Variants in ADGRL3 observed in about 807,000 individuals in gnomAD.
The protein encoded by ADGRL3 is calcium-independent alpha-latrotoxin receptor 3.
A neutral mutation model predicts 153.5 loss-of-function variants in ADGRL3; 62 were observed. The observed-to-expected ratio is 0.40, with a 90% CI of 0.33 to 0.50. The LOEUF (loss-of-function observed/expected upper bound fraction) is 0.50, where lower values mean the gene tolerates loss of function less well. Ranked by LOEUF, ADGRL3 falls within the 20% of genes least tolerant of loss-of-function variation. The probability of loss-of-function intolerance (pLI) is 0.47; values close to 1 mark genes in which losing one functional copy is unlikely to be tolerated. For synonymous variants in ADGRL3, 710 were observed against 672.5 expected, an observed-to-expected ratio of 1.06 and a Z score of -0.86; for missense variants, 1,641 against 1,859.4, an observed-to-expected ratio of 0.88 and a Z score of 2.16.
At chr4:61,336,284 A>G (rs917750813) in intron 1 of ADGRL3, among the ~76,000 whole-genome samples, 1 of 152,112 alleles carries the variant, frequency 6.6e-6, no homozygotes, top group Non-Finnish European at 1.5e-5. Context: ...CTTTTGTGGG[A>G]AAATGGATTG....
At chr4:61,577,035 G>A (rs1260273642) in intron 4 of ADGRL3, among the ~76,000 whole-genome samples, 7 of 152,008 alleles carry the variant, frequency 4.6e-5, no homozygotes, top group Non-Finnish European at 7.4e-5. Flanking sequence ...TGTTGTGGAA[G>A]ATTTATGCTT....
intron 2 of ADGRL3, among the ~76,000 whole-genome samples, chr4:61,425,788 G>A (rs2097271363): frequency 6.6e-6 from 1 of 152,202 alleles, no homozygotes; most frequent in Non-Finnish European, 1.5e-5. Context: ...AAATACCCAA[G>A]GAGTGACATG....
chr4:61,921,707 G>A (rs2098770213), intron 13 of ADGRL3, among the ~76,000 whole-genome samples: 1 of 152,144 alleles, frequency 6.6e-6, no homozygotes, highest in Admixed American at 6.5e-5. Context: ...TGCCCGGCCT[G>A]TTAGCTTTTT....
chr4:61,937,487 A>G (rs985247395), intron 15 of ADGRL3, among the ~76,000 whole-genome samples: 1 of 150,648 alleles, frequency 6.6e-6, no homozygotes, highest in Non-Finnish European at 1.5e-5. Context: ...TCTATCATTC[A>G]CTTTTTAGAA....
intron 25 of ADGRL3, among the ~76,000 whole-genome samples, chr4:62,057,946 TG>T (rs1308114108): frequency 6.6e-6 from 1 of 152,202 alleles, no homozygotes; most frequent in Non-Finnish European, 1.5e-5. Flanking sequence ...CCCAAAGTGC[TG>T]GGATTACAGG....
At chr4:61,854,521 A>G (rs1234880531) in intron 9 of ADGRL3, among the ~76,000 whole-genome samples, 1 of 152,220 alleles carries the variant, frequency 6.6e-6, no homozygotes, top group African/African-American at 2.4e-5. Context: ...CCTAGAATAT[A>G]AAAATAAAGT....
chr4:62,036,267 TCTC>T (rs935847349), intron 23 of ADGRL3, among the ~76,000 whole-genome samples: 1 of 151,950 alleles, frequency 6.6e-6, no homozygotes, highest in African/African-American at 2.4e-5. Context: ...AATGCCTTTT[TCTC>T]CTCTTTTCCC....
At chr4:62,002,957 T>C (rs2099145700) in intron 21 of ADGRL3, among the ~76,000 whole-genome samples, 1 of 152,180 alleles carries the variant, frequency 6.6e-6, no homozygotes, top group African/African-American at 2.4e-5. Flanking sequence ...TAGAACTCTC[T>C]TGACATTTAC....
At chr4:61,994,272 C>T (rs781328362) in intron 19 of ADGRL3, among the ~76,000 whole-genome samples, 3 of 152,028 alleles carry the variant, frequency 2.0e-5, no homozygotes, top group Non-Finnish European at 2.9e-5. Flanking sequence ...TTCAGCCTCT[C>T]GAGTAGTTGG....
In ADGRL3 at chr4:61,270,629, T is replaced by A. The variant is rs528963733; in HGVS notation, c.-240+68864T>A. Among the ~76,000 whole-genome samples, 8 of 151,820 alleles carry A rather than the reference T, an allele frequency of 5.3e-5. No individual in the cohort carries two copies. The East Asian group carries it at 1.6e-3, about 29-fold the overall frequency. On this transcript the variant is annotated intron_variant, in intron 1 of 26. Coordinates refer to ENST00000683033, the MANE Select transcript of ADGRL3 (RefSeq NM_001387552.1). ...AAGTATAAAATGCCGAGGCAGGAAA[T>A]TATTGTTATCAGAAGTATATTTATA...
At chr4:61,417,339 A>G (rs2097155142) in intron 2 of ADGRL3, among the ~76,000 whole-genome samples, 1 of 152,024 alleles carries the variant, frequency 6.6e-6, no homozygotes, top group African/African-American at 2.4e-5. Flanking sequence ...TAAAATAATT[A>G]GCCAGTCATG....
chr4:61,811,376 CA>C (rs2097617633), intron 8 of ADGRL3, among the ~76,000 whole-genome samples: 1 of 151,366 alleles, frequency 6.6e-6, no homozygotes, highest in African/African-American at 2.4e-5. Context: ...AAGCTGATCA[CA>C]AAATATACAA....
At chr4:61,725,576 C>A (rs1319550810) in intron 6 of ADGRL3, among the ~76,000 whole-genome samples, 2 of 137,138 alleles carry the variant, frequency 1.5e-5, no homozygotes, top group Non-Finnish European at 3.1e-5. Context: ...GCCTGGGCAA[C>A]AGAGCGAGAC....
chr4:61,892,074 C>T (rs2149596371), intron 9 of ADGRL3, among the ~76,000 whole-genome samples: 1 of 152,030 alleles, frequency 6.6e-6, no homozygotes, highest in African/African-American at 2.4e-5. Context: ...TGAGTCAGTT[C>T]TAAGAGCAAT....
intron 21 of ADGRL3, among the ~76,000 whole-genome samples, chr4:62,016,626 C>T (rs550261098): frequency 7.9e-5 from 12 of 152,246 alleles, no homozygotes; most frequent in African/African-American, 2.9e-4. Flanking sequence ...AGGGCGAATC[C>T]TCCCATTTTG....
chr4:62,031,540 A>G lies in ADGRL3; in HGVS notation c.3521A>G (p.Tyr1174Cys). 2 of 1,610,510 alleles carry G rather than the reference A, an allele frequency of 1.2e-6. No individual in the cohort carries two copies. The highest frequency in any genetic ancestry group is 1.7e-6 in the Non-Finnish European group (2 of 1,177,380). ...AATGAAAGCACAGTCATCATGGCCT[A>G]TCTCTTCACCATTTTCAATTCTCTA... ...YINESTVIMA[Y>C]LFTIFNSLQG... The change falls in exon 23 of 27, where the codon TAT (tyrosine) becomes TGT (cysteine). Residue 1174 changes from tyrosine to cysteine, a missense_variant. By Grantham distance (194) the Tyr-to-Cys change is radical. Around this residue, in one of 5 missense-constraint regions of ADGRL3, gnomAD observed 517 missense variants for 555.0 expected, o/e 0.93. Coordinates refer to ENST00000683033, the MANE Select transcript of ADGRL3 (RefSeq NM_001387552.1).
chr4:61,554,783 A>G (rs1369549676), intron 4 of ADGRL3, among the ~76,000 whole-genome samples: 1 of 152,202 alleles, frequency 6.6e-6, no homozygotes, highest in Non-Finnish European at 1.5e-5. Context: ...ACTGTGAATT[A>G]AACTGAGGGA....
At chr4:62,033,740 T>C (rs6855829) in intron 23 of ADGRL3, among the ~76,000 whole-genome samples, 37,793 of 151,668 alleles carry the variant, frequency 0.25, 5,029 homozygotes, top group Middle Eastern at 0.37. Flanking sequence ...AGTAGATTTA[T>C]TTGCCTGTCG....
intron 8 of ADGRL3, among the ~76,000 whole-genome samples, chr4:61,775,222 C>CTT (rs200429980): frequency 2.2e-5 from 3 of 139,198 alleles, no homozygotes; most frequent in African/African-American, 5.3e-5. Flanking sequence ...CCTATGACAG[C>CTT]TTTTTTTTTT....
Sources: gnomAD v4.1 joint callset for allele counts (sites outside exome capture counted in the v4.1 genomes callset) on GRCh38, gnomAD v4.1.1 for gene constraint, gnomAD v4.1.1 regional missense constraint, MANE v1.5 for transcripts, NCBI Gene and HGNC (gene_info 2026-07-23, HGNC 2026-07-21) for gene names.